Variants in LRP4 observed in about 807,000 individuals in gnomAD.
LRP4 encodes the protein low-density lipoprotein receptor-related protein 4.
In LRP4, 95 loss-of-function variants were observed where a neutral mutation model predicts 220.3. The ratio of observed to expected loss-of-function variants is 0.43; its 90% CI spans 0.37 to 0.51. The LOEUF (loss-of-function observed/expected upper bound fraction) is 0.51, where lower values mean the gene tolerates loss of function less well. LRP4 is among the 20% of genes least tolerant of loss of function. LRP4 has a pLI of 0.00. For synonymous variants in LRP4, 903 were observed against 954.6 expected (o/e 0.95, Z 1.00); for missense variants, 1,925 against 2,567.0 (o/e 0.75, Z 5.40).
Position 46,875,866 on chromosome 11 carries a change from G to A in LRP4, c.3637C>T (p.Pro1213Ser). The A allele has an allele frequency of 6.2e-7, 1 of 1,614,076 alleles. No individual in the cohort carries two copies. Among genetic ancestry groups the A allele is most frequent in the Non-Finnish European group, 8.5e-7 (1 of 1,180,002 alleles). Residue 1213 changes from proline to serine, a missense_variant, in exon 26 of 38, where the codon CCC (proline) becomes TCC (serine). Pro to Ser is a moderately conservative substitution (Grantham distance 74). Around this residue, in one of 3 missense-constraint regions of LRP4, gnomAD observed 1,244 missense variants for 1,624.9 expected, o/e 0.77. Transcript: ENST00000378623. This position sits in a 1 kb window ranked among gnomAD's most constrained non-coding sequence, Gnocchi z 4.5. ...AVLINNNLGW[P>S]NGLTVDKASS... ...GCCTTGTCCACAGTCAGTCCATTGG[G>A]CCATCCTAGGTTGTTGTTGATGAGC...
intron 1 of LRP4, among the ~76,000 whole-genome samples, chr11:46,912,303 T>G (rs943868450): frequency 2.6e-5 from 4 of 152,254 alleles, no homozygotes; most frequent in Non-Finnish European, 5.9e-5. Context: ...TTGGATTTTT[T>G]AAACCACATA....
At chr11:46,871,185 T>C (rs967746105) in intron 31 of LRP4, among the ~76,000 whole-genome samples, 1 of 152,180 alleles carries the variant, frequency 6.6e-6, no homozygotes, top group African/African-American at 2.4e-5. Flanking sequence ...CTTGTCAAAA[T>C]GTATTTTACT....
chr11:46,862,827 T>TA lies in LRP4; in HGVS notation c.5244-81dup. 3 of 1,291,764 alleles carry TA rather than the reference T, an allele frequency of 2.3e-6. No homozygotes were observed. The South Asian group carries it at 3.7e-5, about 16-fold the overall frequency. 80.0% of individuals were successfully genotyped at this position (1,291,764 alleles called of 1,614,324 possible). Reference sequence around the variant, plus strand: ...TGGGAAAGCTGTAAACTGAGTCTGGTAGGCAGCCTCTAAGATGATCCCAGT... The same window carrying TA: ...TGGGAAAGCTGTAAACTGAGTCTGGTAAGGCAGCCTCTAAGATGATCCCAGT... On this transcript the variant is annotated intron_variant, in intron 36 of 37. Coordinates refer to ENST00000378623, the MANE Select transcript of LRP4 (RefSeq NM_002334.4).
At chr11:46,864,592 G>T in intron 35 of LRP4, 57 bp from the exon 36 acceptor site, 1 of 1,178,712 alleles carries the variant, frequency 8.5e-7, no homozygotes, top group Non-Finnish European at 1.3e-6. Context: ...TAGCGGTGCT[G>T]GTGTGAGGAA....
At chr11:46,880,544 G>A (rs771338201) in intron 20 of LRP4, among the ~76,000 whole-genome samples, 22 of 152,092 alleles carry the variant, frequency 1.4e-4, no homozygotes, top group Non-Finnish European at 3.1e-4. Context: ...GGATCCCTTG[G>A]GCCAGGAGGT....
intron 31 of LRP4, among the ~76,000 whole-genome samples, chr11:46,870,694 T>C (rs1244689100): frequency 6.6e-6 from 1 of 152,236 alleles, no homozygotes; most frequent in Non-Finnish European, 1.5e-5. Flanking sequence ...AGTGCTGTGA[T>C]TACAGGCATA....
chr11:46,859,391 A>T, intron 37 of LRP4, 76 bp from the exon 38 acceptor site: 2 of 1,094,546 alleles, frequency 1.8e-6, no homozygotes, highest in Non-Finnish European at 2.8e-6. Flanking sequence ...TGAAAAAGGA[A>T]GTGGATGGGG....
chr11:46,879,093 C>A, intron 21 of LRP4, 33 bp downstream of exon 21: 1 of 1,614,220 alleles, frequency 6.2e-7, no homozygotes, highest in South Asian at 1.1e-5. Context: ...AGGAGGGCCA[C>A]GGAGAAGCCA....
Position 46,873,658 on chromosome 11 carries a change from C to T in LRP4, c.4230-65G>A. 7.3e-7 allele frequency: 1 copy of T among 1,371,532 alleles called. No homozygotes were observed. The highest frequency in any genetic ancestry group is 1.0e-6 in the Non-Finnish European group (1 of 980,264). 85.0% of individuals were successfully genotyped at this position (1,371,532 alleles called of 1,614,324 possible). The stretch of plus-strand genomic sequence containing the variant: ...CCCAGAATAGAGTAGAACTTTAACC[C>T]ATGTTCCCATAACTGGACCCCACTG... On this transcript the variant is annotated intron_variant, in intron 28 of 37. Transcript: ENST00000378623. This position sits in a 1 kb window ranked among gnomAD's most constrained non-coding sequence, Gnocchi z 4.2.
Position 46,883,957 on chromosome 11 carries a change from T to C in LRP4, c.2526A>G (p.Val842=). The part of the protein sequence containing the change: ...WTDAGTDRIE[V]ANTDGSMRTV... The stretch of plus-strand genomic sequence containing the variant: ...TTCTCATGCTGCCATCTGTGTTGGC[T>C]ACTTCAATCCGGTCTGTACCTATCA... The change falls in exon 19 of 38, where the codon GTA becomes GTG. Residue 842 remains valine (V), a synonymous_variant. Transcript: ENST00000378623. The C allele has an allele frequency of 6.2e-7, 1 of 1,613,874 alleles. No homozygotes were observed. Among genetic ancestry groups the C allele is most frequent in the Non-Finnish European group, 8.5e-7 (1 of 1,179,710 alleles).
intron 20 of LRP4, among the ~76,000 whole-genome samples, chr11:46,880,105 C>G (rs1941116751): frequency 6.6e-6 from 1 of 151,844 alleles, no homozygotes; most frequent in African/African-American, 2.4e-5. Flanking sequence ...ACTCTTGTCT[C>G]AAAACAAAAC....
intron 18 of LRP4, among the ~76,000 whole-genome samples, chr11:46,884,598 G>A (rs1044384628): frequency 3.3e-5 from 5 of 152,002 alleles, no homozygotes; most frequent in Admixed American, 2.0e-4. Flanking sequence ...TTAGCCAGGC[G>A]TCGTGGCGGG....
rs529782157 is a variant in LRP4, at chr11:46,884,839, G to A, written c.2507-863C>T. On this transcript the variant is annotated intron_variant, in intron 18 of 37. Coordinates refer to ENST00000378623, the MANE Select transcript of LRP4 (RefSeq NM_002334.4). Reference sequence around the variant, plus strand: ...GGCAGAAGAATCCTTTGAACCCAGGGAGGTGGAGGTTGCAGTGAGCTGAGA... The same window carrying A: ...GGCAGAAGAATCCTTTGAACCCAGGAAGGTGGAGGTTGCAGTGAGCTGAGA... Among the ~76,000 whole-genome samples, 10 of 152,152 alleles carry A rather than the reference G, an allele frequency of 6.6e-5. No individual in the cohort carries two copies. The South Asian group carries it at 2.1e-3, about 32-fold the overall frequency.
chr11:46,907,682 ATCTGGTATACAAG>A lies in LRP4; in HGVS notation c.53-4766_53-4754del, dbSNP rs201346341. Among the ~76,000 whole-genome samples the A allele has an allele frequency of 2.6e-3, 397 of 152,380 alleles. 4 individuals carry two copies. The highest frequency in any genetic ancestry group is 0.018 in the East Asian group (94 of 5,194). The stretch of plus-strand genomic sequence containing the variant: ...TATAAAGGAAAGAAGGGAAACATCC[ATCTGGTATACAAG>A]ACACACTAACTTAGTAGTAGACAAC... On this transcript the variant is annotated intron_variant, in intron 1 of 37. Coordinates refer to ENST00000378623, the MANE Select transcript of LRP4 (RefSeq NM_002334.4).
chr11:46,908,989 A>G (rs2134880548), intron 1 of LRP4, among the ~76,000 whole-genome samples: 1 of 152,376 alleles, frequency 6.6e-6, no homozygotes, highest in African/African-American at 2.4e-5. Context: ...TAGGAGAGCC[A>G]GGATGGCAGC....
At chr11:46,894,953 G>T in intron 11 of LRP4, 134 bp from the exon 12 acceptor site, 1 of 1,031,616 alleles carries the variant, frequency 9.7e-7, no homozygotes, top group Non-Finnish European at 1.5e-6. Flanking sequence ...ATCAGTACCA[G>T]AAGAGTGGCA....
rs1201649621 is a variant in LRP4 at position 46,878,050 on chromosome 11, G to A, written c.3137-711C>T. 2.0e-5 allele frequency among the ~76,000 whole-genome samples: 3 copies of A among 152,172 alleles called. No individual in the cohort carries two copies. The East Asian group carries it at 5.8e-4, about 29-fold the overall frequency. ...GCTCCTTTCTCACTCAAATTCCCAGGGAGGTTAGAGTTCAAATGCAGCCTA... is the reference window on the plus strand; with the variant it reads ...GCTCCTTTCTCACTCAAATTCCCAGAGAGGTTAGAGTTCAAATGCAGCCTA... On this transcript the variant is annotated intron_variant, in intron 22 of 37. Coordinates refer to ENST00000378623, the MANE Select transcript of LRP4 (RefSeq NM_002334.4).
chr11:46,897,342 T>C (rs530353232), intron 7 of LRP4, among the ~76,000 whole-genome samples: 7 of 142,272 alleles, frequency 4.9e-5, no homozygotes, highest in South Asian at 2.3e-4. Flanking sequence ...GTCTTTTTTT[T>C]TTTTTCTTTT....
At position 46,897,377 on chromosome 11, in the gene LRP4, T is replaced by TA. The variant is rs1941560582; in HGVS notation, c.797-384dup. Among the ~76,000 whole-genome samples, 3 of 147,792 alleles carry TA rather than the reference T, an allele frequency of 2.0e-5. 1 individual carries two copies. Among genetic ancestry groups the TA allele is most frequent in the East Asian group, 2.1e-4 (1 of 4,732 alleles). On this transcript the variant is annotated intron_variant, in intron 7 of 37. Transcript: ENST00000378623. Reference sequence around the variant, plus strand: ...TTATTTTTTTATTTTTATTTTTTTTTATTTTTTAATTTTTTTATTATCATT... The same window carrying TA: ...TTATTTTTTTATTTTTATTTTTTTTTAATTTTTTAATTTTTTTATTATCATT...
Sources: allele counts gnomAD v4.1 joint callset (sites outside exome capture counted in the v4.1 genomes callset), GRCh38; gene constraint gnomAD v4.1.1; regional missense constraint gnomAD v4.1.1; non-coding constraint Gnocchi (gnomAD v3.1); transcripts MANE v1.5; gene names NCBI Gene and HGNC (gene_info 2026-07-23, HGNC 2026-07-21).